APP: variants seen among roughly 807,000 people sequenced by gnomAD.
APP encodes amyloid beta precursor protein, also known as amyloid-beta precursor protein.
A neutral mutation model predicts 101.4 loss-of-function variants in APP; 31 were observed. The ratio of observed to expected loss-of-function variants is 0.31; its 90% CI spans 0.23 to 0.41. The LOEUF is 0.41. Among genes scored for constraint, APP ranks in the 10% least tolerant of loss-of-function variants. The pLI, the probability that APP is intolerant of heterozygous loss-of-function variation, is 1.00. For synonymous variants in APP, 366 were observed against 364.4 expected (o/e 1.00, Z -0.05); for missense variants, 839 against 1,003.7 (o/e 0.84, Z 2.22).
chr21:26,063,180 T>C (rs375285622), intron 3 of APP, among the ~76,000 whole-genome samples: 15 of 152,350 alleles, frequency 9.8e-5, no homozygotes, highest in African/African-American at 3.1e-4. Context: ...ATAGTGTCCA[T>C]GTGGTAATAC....
At chr21:25,902,252 T>C (rs2038540054) in intron 15 of APP, among the ~76,000 whole-genome samples, 1 of 152,192 alleles carries the variant, frequency 6.6e-6, no homozygotes, top group Non-Finnish European at 1.5e-5. Context: ...TTGAACGGCA[T>C]GACAATCTTG....
At chr21:26,101,441 C>T (rs2062056625) in intron 2 of APP, among the ~76,000 whole-genome samples, 1 of 152,060 alleles carries the variant, frequency 6.6e-6, no homozygotes, top group Non-Finnish European at 1.5e-5. Context: ...GGGACTCATC[C>T]AATTTCTTGT....
chr21:25,978,035 T>C (rs1237941550), intron 9 of APP, among the ~76,000 whole-genome samples: 1 of 152,240 alleles, frequency 6.6e-6, no homozygotes, highest in African/African-American at 2.4e-5. Flanking sequence ...TGATTTCCCA[T>C]ATTACATTTA....
chr21:25,892,964 A>AAACAAAAC (rs10686802), intron 16 of APP, among the ~76,000 whole-genome samples: 4 of 151,224 alleles, frequency 2.6e-5, no homozygotes, highest in Admixed American at 6.6e-5. Context: ...AAAAAAAACA[A>AAACAAAAC]AAAGGTTTCT....
chr21:26,018,535 A>G (rs940607052), intron 6 of APP, among the ~76,000 whole-genome samples: 2 of 152,220 alleles, frequency 1.3e-5, no homozygotes, highest in Admixed American at 6.5e-5. Flanking sequence ...GTTACCCTCT[A>G]AAACATCTAC....
intron 3 of APP, among the ~76,000 whole-genome samples, chr21:26,063,010 T>C (rs2046331610): frequency 6.6e-6 from 1 of 152,178 alleles, no homozygotes; most frequent in African/African-American, 2.4e-5. Context: ...GCAATCCACC[T>C]GCCTCAGCCT....
chr21:25,954,639 G>T lies in APP; in HGVS notation c.1638C>A (p.Ser546=), dbSNP rs1175639806. Residue 546 remains serine (S), a synonymous_variant, in exon 13 of 18, where the codon TCC becomes TCA. Coordinates refer to ENST00000346798, the MANE Select transcript of APP (RefSeq NM_000484.4). ...VIYERMNQSL[S]LLYNVPAVAE... ...CCACTGCAGGCACGTTGTAGAGCAG[G>T]GAGAGAGACTGATTCATGCGCTCAT... The T allele has an allele frequency of 1.2e-6, 2 of 1,614,002 alleles. No homozygotes were observed. The highest frequency in any genetic ancestry group is 1.7e-6 in the Non-Finnish European group (2 of 1,180,006).
intron 1 of APP, among the ~76,000 whole-genome samples, chr21:26,149,818 C>T (rs903522685): frequency 6.6e-6 from 1 of 152,088 alleles, no homozygotes; most frequent in African/African-American, 2.4e-5. Flanking sequence ...CAATGGGAAT[C>T]GTCACTGAAA....
chr21:25,882,440 T>C (rs1360794929), intron 17 of APP, among the ~76,000 whole-genome samples: 1 of 150,312 alleles, frequency 6.7e-6, no homozygotes, highest in Non-Finnish European at 1.5e-5. Context: ...AGAATTAAGA[T>C]ACTATAGAAG....
At chr21:25,980,887 G>A (rs566099234) in intron 9 of APP, among the ~76,000 whole-genome samples, 42 of 152,300 alleles carry the variant, frequency 2.8e-4, no homozygotes, top group Admixed American at 2.2e-3. Context: ...ACCAGGGTTG[G>A]TCAGGAGGGG....
At chr21:26,065,361 C>T (rs2046417595) in intron 3 of APP, among the ~76,000 whole-genome samples, 1 of 152,130 alleles carries the variant, frequency 6.6e-6, no homozygotes, top group Non-Finnish European at 1.5e-5. Flanking sequence ...TTAAAAAGAG[C>T]TTACCAACTC....
chr21:25,911,980 A>G lies in APP; in HGVS notation c.1688-18T>C, dbSNP rs752632887. ...CAGCTCATCTAAACCAAACAAAACC[A>G]TCTCTTTGGTGAGTAACAACAATCA... is the stretch of plus-strand genomic sequence containing the variant. On this transcript the variant is annotated intron_variant, in intron 13 of 17. Coordinates refer to ENST00000346798, the MANE Select transcript of APP (RefSeq NM_000484.4). 6.3e-7 allele frequency: 1 copy of G among 1,591,210 alleles called. No individual in the cohort carries two copies.
At chr21:26,003,774 G>C (rs1421014946) in intron 6 of APP, among the ~76,000 whole-genome samples, 3 of 152,080 alleles carry the variant, frequency 2.0e-5, no homozygotes, top group African/African-American at 7.2e-5. Context: ...TCCCCCAATT[G>C]TCAGCAACCC....
intron 3 of APP, among the ~76,000 whole-genome samples, chr21:26,065,692 A>G (rs1050804200): frequency 1.3e-5 from 2 of 152,216 alleles, no homozygotes; most frequent in African/African-American, 4.8e-5. Flanking sequence ...GAAATGTTAC[A>G]GTAGTCTTAC....
intron 1 of APP, among the ~76,000 whole-genome samples, chr21:26,167,888 C>T (rs919308754): frequency 2.6e-5 from 4 of 152,104 alleles, no homozygotes; most frequent in Non-Finnish European, 4.4e-5. Context: ...GGTTTCTCAT[C>T]GATTAGCAAG....
chr21:25,998,483 G>A (rs1228287094), intron 7 of APP, among the ~76,000 whole-genome samples: 14 of 151,944 alleles, frequency 9.2e-5, no homozygotes, highest in Admixed American at 3.9e-4. Context: ...GGCGATGGCA[G>A]GAGACCAACA....
At chr21:26,098,718 C>T (rs2061998101) in intron 2 of APP, among the ~76,000 whole-genome samples, 1 of 152,232 alleles carries the variant, frequency 6.6e-6, no homozygotes, top group Admixed American at 6.5e-5. Context: ...AGTTTGCCTA[C>T]TTTTCTACTT....
intron 1 of APP, among the ~76,000 whole-genome samples, chr21:26,136,903 G>A (rs1039966984): frequency 5.9e-5 from 9 of 152,076 alleles, no homozygotes; most frequent in Admixed American, 3.9e-4. Flanking sequence ...TAGACCATTC[G>A]TCTTCCTTTT....
intron 3 of APP, among the ~76,000 whole-genome samples, chr21:26,055,957 G>A (rs974498601): frequency 1.3e-5 from 2 of 152,172 alleles, no homozygotes; most frequent in African/African-American, 4.8e-5. Context: ...TCAATCTGCT[G>A]ACGACTAGAT....
Sources: allele counts gnomAD v4.1 joint callset (sites outside exome capture counted in the v4.1 genomes callset), GRCh38; gene constraint gnomAD v4.1.1; transcripts MANE v1.5; gene names NCBI Gene and HGNC (gene_info 2026-07-23, HGNC 2026-07-21).